Variants in PRH1 observed in about 807,000 individuals in gnomAD.
PRH1 encodes the protein proline rich protein HaeIII subfamily 1.
A neutral mutation model predicts 7.9 loss-of-function variants in PRH1; 7 were observed. The observed-to-expected ratio is 0.89, with a 90% CI of 0.50 to 1.67. PRH1 has a LOEUF of 1.67. PRH1 is among the 40% of genes most tolerant of loss of function. PRH1 has a pLI of 0.00. For synonymous variants in PRH1, 45 were observed against 80.8 expected, an observed-to-expected ratio of 0.56 and a Z score of 2.38; for missense variants, 109 against 223.6, an observed-to-expected ratio of 0.49 and a Z score of 3.27.
chr12:11,139,552 C>A (rs1946648527), intron 1 of PRH1, among the ~76,000 whole-genome samples: 1 of 152,112 alleles, frequency 6.6e-6, no homozygotes, highest in Non-Finnish European at 1.5e-5. Flanking sequence ...GTATTATTAT[C>A]TATGTAGCTC....
chr12:10,891,003 C>G (rs998286582), intron 2 of PRH1, among the ~76,000 whole-genome samples: 1 of 152,002 alleles, frequency 6.6e-6, no homozygotes, highest in African/African-American at 2.4e-5. Flanking sequence ...TCCAACAGGG[C>G]TATACTAATT....
At chr12:11,023,772 C>A (rs1941775132) in intron 1 of PRH1, among the ~76,000 whole-genome samples, 1 of 152,236 alleles carries the variant, frequency 6.6e-6, no homozygotes, top group African/African-American at 2.4e-5. Context: ...GCCAAACTAG[C>A]GGCAAGATGC....
chr12:11,009,815 A>G (rs899944908), intron 1 of PRH1, among the ~76,000 whole-genome samples: 17 of 152,090 alleles, frequency 1.1e-4, no homozygotes, highest in Admixed American at 4.6e-4. Context: ...ATTCCAATAA[A>G]TAAAAAATAG....
upstream of PRH1, among the ~76,000 whole-genome samples, chr12:10,887,742 T>G (rs926296706): frequency 1.3e-5 from 2 of 152,074 alleles, no homozygotes; most frequent in African/African-American, 4.8e-5. Flanking sequence ...CTAAAGAAAT[T>G]AAGTCACATG....
intron 2 of PRH1, among the ~76,000 whole-genome samples, chr12:10,969,871 C>T (rs1019282192): frequency 6.6e-6 from 1 of 152,176 alleles, no homozygotes; most frequent in African/African-American, 2.4e-5. Flanking sequence ...ACAATCTCGG[C>T]TCACTGCAAC....
At chr12:11,094,712 T>A (rs1325003080) in intron 1 of PRH1, among the ~76,000 whole-genome samples, 1 of 115,668 alleles carries the variant, frequency 8.6e-6, no homozygotes, top group Non-Finnish European at 2.0e-5. Context: ...AATTTCTATA[T>A]TTCTCCTAAT....
chr12:11,021,776 T>C (rs908115691), intron 1 of PRH1: 23 of 1,614,256 alleles, frequency 1.4e-5, no homozygotes, highest in Non-Finnish European at 1.9e-5. Context: ...ATTGCAACAG[T>C]TTGGCAAAGC....
chr12:10,958,935 A>AG (rs1168502322), intron 2 of PRH1, among the ~76,000 whole-genome samples: 1 of 152,228 alleles, frequency 6.6e-6, no homozygotes, highest in African/African-American at 2.4e-5. Flanking sequence ...GCGTTTTTAC[A>AG]GGTTCTCTCT....
At chr12:10,964,071 A>G (rs549829220) in intron 2 of PRH1, among the ~76,000 whole-genome samples, 92 of 152,350 alleles carry the variant, frequency 6.0e-4, no homozygotes, top group Non-Finnish European at 1.2e-3. Flanking sequence ...GTTCTTAACA[A>G]TTATAAATAG....
At chr12:11,066,877 C>CTT (rs112502196) in intron 1 of PRH1, among the ~76,000 whole-genome samples, 2 of 151,074 alleles carry the variant, frequency 1.3e-5, no homozygotes, top group Non-Finnish European at 3.0e-5. Context: ...AATTTCTTTG[C>CTT]TTCTTTTTCT....
chr12:11,126,196 C>T (rs1045651854), intron 1 of PRH1, among the ~76,000 whole-genome samples: 1 of 152,248 alleles, frequency 6.6e-6, no homozygotes, highest in Admixed American at 6.5e-5. Context: ...CCCATATACA[C>T]CTTCTTGTTG....
intron 1 of PRH1, among the ~76,000 whole-genome samples, chr12:11,162,819 C>T (rs1947455030): frequency 6.6e-6 from 1 of 152,130 alleles, no homozygotes; most frequent in South Asian, 2.1e-4. Context: ...CACATGCACA[C>T]TTGTAATGAA....
intron 1 of PRH1, among the ~76,000 whole-genome samples, chr12:11,168,288 GAAAGAAA>G (rs1565725845): frequency 1.1e-3 from 33 of 29,108 alleles, no homozygotes; most frequent in African/African-American, 2.0e-3. Flanking sequence ...AAGAAAGAAA[GAAAGAAA>G]GAAAGAAGGA....
At chr12:10,997,216 G>A (rs888316451) in intron 1 of PRH1, 7 of 1,614,108 alleles carry the variant, frequency 4.3e-6, no homozygotes, top group African/African-American at 1.3e-5. Flanking sequence ...GGATCTTGGT[G>A]CTGGGATCTT....
intron 1 of PRH1, among the ~76,000 whole-genome samples, chr12:11,083,656 C>T (rs1284769542): frequency 6.6e-6 from 1 of 152,284 alleles, no homozygotes; most frequent in African/African-American, 2.4e-5. Context: ...AGACACTCTC[C>T]ATATACGCCT....
intron 1 of PRH1, among the ~76,000 whole-genome samples, chr12:10,989,211 T>C (rs1360244107): frequency 6.6e-6 from 1 of 151,752 alleles, no homozygotes; most frequent in African/African-American, 2.4e-5. Flanking sequence ...TAGTCCTGTA[T>C]GTTCCTGTTC....
chr12:11,119,555 C>T (rs1945833281), downstream of PRH1, among the ~76,000 whole-genome samples: 1 of 151,968 alleles, frequency 6.6e-6, no homozygotes, highest in Admixed American at 6.6e-5. Context: ...ACTATATATC[C>T]ACAAAACTTA....
At chr12:11,050,327 G>A (rs916120047), upstream of PRH1, among the ~76,000 whole-genome samples, 1 of 152,228 alleles carries the variant, frequency 6.6e-6, no homozygotes, top group Admixed American at 6.5e-5. Flanking sequence ...ACAAAGGGAT[G>A]GGTCTGGCGA....
At chr12:11,000,856 ATTAT>A (rs1940552857) in intron 1 of PRH1, among the ~76,000 whole-genome samples, 1 of 151,934 alleles carries the variant, frequency 6.6e-6, no homozygotes, top group Non-Finnish European at 1.5e-5. Context: ...CTCAATATTG[ATTAT>A]TTATTTTTTG....
Sources: gnomAD v4.1 joint callset for allele counts (sites outside exome capture counted in the v4.1 genomes callset) on GRCh38, gnomAD v4.1.1 for gene constraint, MANE v1.5 for transcripts, NCBI Gene and HGNC (gene_info 2026-07-23, HGNC 2026-07-21) for gene names.